ADARB2: variants seen among roughly 807,000 people sequenced by gnomAD.
ADARB2 encodes inactive double-stranded RNA-specific editase B2.
ADARB2 carries 25 observed loss-of-function variants against 62.2 expected under a neutral mutation model. That is an observed-to-expected ratio of 0.40 (90% CI 0.29 to 0.56). The LOEUF (loss-of-function observed/expected upper bound fraction) is 0.56, where lower values mean the gene tolerates loss of function less well. Among genes scored for constraint, ADARB2 ranks in the 20% least tolerant of loss-of-function variants. The pLI is 0.43. For missense variants in ADARB2, 1,071 were observed against 1,077.4 expected (o/e 0.99, Z 0.08); for synonymous variants, 572 against 500.8 (o/e 1.14, Z -1.90).
chr10:1,419,026 A>G (rs1404941900), intron 1 of ADARB2, among the ~76,000 whole-genome samples: 1 of 152,246 alleles, frequency 6.6e-6, no homozygotes, highest in African/African-American at 2.4e-5. Context: ...ATGTTTAGAC[A>G]ACACTGGTTT....
intron 2 of ADARB2, among the ~76,000 whole-genome samples, chr10:1,367,643 C>CA (rs1832324767): frequency 6.6e-6 from 1 of 152,064 alleles, no homozygotes; most frequent in Non-Finnish European, 1.5e-5. Context: ...AAAGATGGAG[C>CA]AAAAAACCCA....
intron 1 of ADARB2, among the ~76,000 whole-genome samples, chr10:1,594,777 C>T (rs1833308249): frequency 6.6e-6 from 1 of 152,248 alleles, no homozygotes; most frequent in Non-Finnish European, 1.5e-5. Flanking sequence ...CAGCCAGTGG[C>T]ATGATATCAG....
At chr10:1,625,519 C>A (rs1233349801) in intron 1 of ADARB2, among the ~76,000 whole-genome samples, 1 of 152,054 alleles carries the variant, frequency 6.6e-6, no homozygotes, top group Non-Finnish European at 1.5e-5. Context: ...AAAAACAGGC[C>A]TCTGGAGGTG....
intron 1 of ADARB2, among the ~76,000 whole-genome samples, chr10:1,564,325 A>G (rs1377169176): frequency 6.6e-6 from 1 of 152,262 alleles, no homozygotes; most frequent in Non-Finnish European, 1.5e-5. Context: ...AAACCTAGGC[A>G]TTACCATTCA....
At chr10:1,199,770 G>T (rs1158197066) in intron 8 of ADARB2, 196 bp downstream of exon 8, 2 of 559,438 alleles carry the variant, frequency 3.6e-6, no homozygotes, top group Admixed American at 3.6e-5. Context: ...ATCAGGACCT[G>T]GCCTATTGCT....
At chr10:1,520,114 C>A (rs1186453520) in intron 1 of ADARB2, among the ~76,000 whole-genome samples, 1 of 152,166 alleles carries the variant, frequency 6.6e-6, no homozygotes, top group Non-Finnish European at 1.5e-5. Flanking sequence ...GAATAAATAT[C>A]CAACAAAAAC....
At chr10:1,220,107 G>T (rs947494029) in intron 6 of ADARB2, among the ~76,000 whole-genome samples, 1 of 148,620 alleles carries the variant, frequency 6.7e-6, no homozygotes, top group Admixed American at 6.7e-5. Flanking sequence ...TGGTGGTGGT[G>T]GTGATGATGG....
rs186308623 is a variant in ADARB2, at chr10:1,489,280, C to T, written c.101-110120G>A. ...TCTGGGAGCTTCTGCACCGGATGCA[C>T]CTGACCTTCCCTTTCAGCAAGGCGT... On this transcript the variant is annotated intron_variant, in intron 1 of 9. Coordinates refer to ENST00000381312, the MANE Select transcript of ADARB2 (RefSeq NM_018702.4). 6.0e-3 allele frequency among the ~76,000 whole-genome samples: 859 copies of T among 143,814 alleles called. 8 individuals carry two copies. Among genetic ancestry groups the T allele is most frequent in the Middle Eastern group, 0.033 (9 of 276 alleles). 94.3% of individuals were successfully genotyped at this position (143,814 alleles called of 152,430 possible).
chr10:1,383,566 A>G (rs1396649620), intron 1 of ADARB2, among the ~76,000 whole-genome samples: 2 of 152,232 alleles, frequency 1.3e-5, no homozygotes, highest in African/African-American at 4.8e-5. Flanking sequence ...GATATGAATT[A>G]TCAGGCTTTA....
chr10:1,495,347 T>G (rs1831673631), intron 1 of ADARB2, among the ~76,000 whole-genome samples: 1 of 152,210 alleles, frequency 6.6e-6, no homozygotes, highest in Non-Finnish European at 1.5e-5. Context: ...TTCACATTTA[T>G]TTACAAAACT....
chr10:1,258,869 C>A (rs1831105462), intron 4 of ADARB2, among the ~76,000 whole-genome samples: 1 of 152,186 alleles, frequency 6.6e-6, no homozygotes, highest in Admixed American at 6.5e-5. Context: ...TCACACCACA[C>A]CTATTCCAAA....
chr10:1,273,457 A>C (rs147447559), intron 3 of ADARB2, among the ~76,000 whole-genome samples: 1 of 152,056 alleles, frequency 6.6e-6, no homozygotes, highest in African/African-American at 2.4e-5. Context: ...TTGGTGCCCA[A>C]ATCACACACA....
At chr10:1,661,496 A>G (rs755717912) in intron 1 of ADARB2, among the ~76,000 whole-genome samples, 1 of 152,158 alleles carries the variant, frequency 6.6e-6, no homozygotes, top group Non-Finnish European at 1.5e-5. Flanking sequence ...ATTTTACAGG[A>G]TGCCTTGGAA....
intron 1 of ADARB2, among the ~76,000 whole-genome samples, chr10:1,553,524 G>T (rs1315279994): frequency 6.6e-6 from 1 of 152,216 alleles, no homozygotes; most frequent in Admixed American, 6.5e-5. Flanking sequence ...TCAAAGGAAG[G>T]ATGCAGTTTG....
At chr10:1,540,872 A>G (rs377246776) in intron 1 of ADARB2, among the ~76,000 whole-genome samples, 4 of 57,388 alleles carry the variant, frequency 7.0e-5, no homozygotes, top group South Asian at 7.7e-4. Flanking sequence ...GACGTAGTTC[A>G]GACCCTGGAT....
intron 1 of ADARB2, among the ~76,000 whole-genome samples, chr10:1,632,519 C>T (rs943315347): frequency 6.6e-6 from 1 of 152,276 alleles, no homozygotes; most frequent in African/African-American, 2.4e-5. Context: ...CATGCACCTG[C>T]CCATGTGGCT....
intron 1 of ADARB2, among the ~76,000 whole-genome samples, chr10:1,455,675 A>C (rs12263093): frequency 2.0e-5 from 3 of 152,220 alleles, no homozygotes; most frequent in African/African-American, 7.2e-5. Flanking sequence ...TCTTACTACT[A>C]CTATATTTGA....
intron 1 of ADARB2, among the ~76,000 whole-genome samples, chr10:1,603,813 ATTTAT>A (rs1833462103): frequency 6.6e-6 from 1 of 150,884 alleles, no homozygotes; most frequent in South Asian, 2.1e-4. Context: ...TTATTTATTT[ATTTAT>A]TTTGAGACAG....
At chr10:1,244,575 A>G (rs962891800) in intron 4 of ADARB2, among the ~76,000 whole-genome samples, 6 of 152,178 alleles carry the variant, frequency 3.9e-5, no homozygotes, top group Non-Finnish European at 7.3e-5. Flanking sequence ...AAGTGTTTGC[A>G]TATTCAGTTT....
Sources: gnomAD v4.1 joint callset for allele counts (sites outside exome capture counted in the v4.1 genomes callset) on GRCh38, gnomAD v4.1.1 for gene constraint, MANE v1.5 for transcripts, NCBI Gene and HGNC (gene_info 2026-07-23, HGNC 2026-07-21) for gene names.